SDK1: variants seen among roughly 807,000 people sequenced by gnomAD.
The protein encoded by SDK1 is sidekick cell adhesion molecule 1.
Under a neutral mutation model 245.5 loss-of-function variants are expected in SDK1, and 157 were observed. That is an observed-to-expected ratio of 0.64 (90% CI 0.56 to 0.73). The LOEUF (loss-of-function observed/expected upper bound fraction) is 0.73. Ranked by LOEUF, SDK1 falls within the 30% of genes least tolerant of loss-of-function variation. The pLI is 0.00. For synonymous variants in SDK1, 1,647 were observed against 1,278.5 expected, an observed-to-expected ratio of 1.29 and a Z score of -6.15; for missense variants, 3,583 against 3,002.3, an observed-to-expected ratio of 1.19 and a Z score of -4.52.
At chr7:3,966,737 G>A (rs1330550927) in intron 9 of SDK1, among the ~76,000 whole-genome samples, 1 of 151,924 alleles carries the variant, frequency 6.6e-6, no homozygotes, top group Non-Finnish European at 1.5e-5. Context: ...CCAGGCTGTA[G>A]TACAGTGGCA....
intron 7 of SDK1, 178 bp downstream of exon 7, chr7:3,952,098 A>G (rs1780881798): frequency 1.6e-6 from 1 of 613,426 alleles, no homozygotes; most frequent in South Asian, 2.1e-5. Context: ...ATATAAGTCC[A>G]TTAAATCCAA....
At chr7:4,003,542 G>A (rs775071869) in intron 14 of SDK1, among the ~76,000 whole-genome samples, 14 of 152,164 alleles carry the variant, frequency 9.2e-5, no homozygotes, top group Admixed American at 6.5e-4. Flanking sequence ...TCACTCAATC[G>A]GGATTTGTCT....
intron 31 of SDK1, 133 bp from the exon 32 acceptor site, chr7:4,161,653 G>C (rs1321473318): frequency 4.2e-6 from 3 of 713,134 alleles, no homozygotes; most frequent in African/African-American, 3.5e-5. Flanking sequence ...GGAAGGGCAG[G>C]AGAAGGGGAC....
intron 1 of SDK1, among the ~76,000 whole-genome samples, chr7:3,480,419 C>G (rs868215747): frequency 8.4e-6 from 1 of 119,196 alleles, no homozygotes; most frequent in Non-Finnish European, 1.9e-5. Flanking sequence ...CCTGCACATA[C>G]GCTCATGTAG....
intron 1 of SDK1, among the ~76,000 whole-genome samples, chr7:3,473,792 G>C (rs1432071850): frequency 1.3e-5 from 2 of 152,134 alleles, no homozygotes; most frequent in Non-Finnish European, 2.9e-5. Context: ...TGTTCAGGGA[G>C]TGTGATGAAC....
intron 1 of SDK1, among the ~76,000 whole-genome samples, chr7:3,565,239 C>A (rs999872492): frequency 2.0e-5 from 3 of 151,852 alleles, no homozygotes; most frequent in African/African-American, 7.2e-5. Flanking sequence ...TCACCTCCCT[C>A]TTCCGGAGGT....
rs143677635 is a variant in SDK1, at chr7:3,488,780, A to G, written c.299-130300A>G. On this transcript the variant is annotated intron_variant, in intron 1 of 44. Transcript: ENST00000404826. ...AAAAACCTACATTCAATTCTTCCCTACTCAATCTGACAGCTTGGACTTGTC... is the reference window on the plus strand; with the variant it reads ...AAAAACCTACATTCAATTCTTCCCTGCTCAATCTGACAGCTTGGACTTGTC... Among the ~76,000 whole-genome samples the G allele has an allele frequency of 7.9e-5, 12 of 152,048 alleles. No individual in the cohort carries two copies. In the East Asian group the frequency reaches 2.3e-3, roughly 29 times the overall value.
chr7:3,309,524 ATTTT>A (rs59762021), intron 1 of SDK1, among the ~76,000 whole-genome samples: 8 of 127,342 alleles, frequency 6.3e-5, no homozygotes, highest in Non-Finnish European at 6.7e-5. Context: ...CTAGAAAAAG[ATTTT>A]TTTTTTTTTT....
chr7:3,603,053 G>T (rs1298410742), intron 1 of SDK1, among the ~76,000 whole-genome samples: 4 of 151,842 alleles, frequency 2.6e-5, no homozygotes, highest in African/African-American at 9.7e-5. Flanking sequence ...CTCTGTTTTG[G>T]TACCAGTGCC....
At chr7:3,724,255 G>A (rs1778943469) in intron 4 of SDK1, among the ~76,000 whole-genome samples, 1 of 151,916 alleles carries the variant, frequency 6.6e-6, no homozygotes, top group Admixed American at 6.5e-5. Context: ...ATGAACCACT[G>A]CGCCCAGCCA....
intron 23 of SDK1, among the ~76,000 whole-genome samples, chr7:4,112,280 A>G (rs73046433): frequency 0.053 from 8,080 of 152,236 alleles, 257 homozygotes; most frequent in African/African-American, 0.071. Context: ...AAAGGGTCCC[A>G]TTCTTCTGAG....
intron 4 of SDK1, among the ~76,000 whole-genome samples, chr7:3,790,619 C>G (rs565321273): frequency 6.6e-6 from 1 of 152,254 alleles, no homozygotes; most frequent in South Asian, 2.1e-4. Flanking sequence ...ATAACCCTGA[C>G]CAACATGGTG....
chr7:4,254,334 C>A (rs937338044), intron 44 of SDK1, among the ~76,000 whole-genome samples: 1 of 152,054 alleles, frequency 6.6e-6, no homozygotes, highest in Non-Finnish European at 1.5e-5. Flanking sequence ...CTTCAGACTG[C>A]GTAATCTCTA....
chr7:3,820,805 C>A (rs979419385), intron 4 of SDK1, among the ~76,000 whole-genome samples: 1 of 152,154 alleles, frequency 6.6e-6, no homozygotes, highest in Non-Finnish European at 1.5e-5. Flanking sequence ...CCAGTAGAAT[C>A]AGGATGAATG....
chr7:4,127,323 C>G (rs1244133213), intron 25 of SDK1, 58 bp from the exon 26 acceptor site: 1 of 1,287,020 alleles, frequency 7.8e-7, no homozygotes, highest in Non-Finnish European at 1.1e-6. Flanking sequence ...AAAGCTGGAT[C>G]TTTGTATGTA....
At chr7:3,595,137 T>C (rs910471131) in intron 1 of SDK1, among the ~76,000 whole-genome samples, 1 of 152,180 alleles carries the variant, frequency 6.6e-6, no homozygotes, top group Non-Finnish European at 1.5e-5. Context: ...CCGATTACTT[T>C]TTTTTTGAAT....
intron 19 of SDK1, among the ~76,000 whole-genome samples, chr7:4,066,628 C>G (rs1440829068): frequency 6.6e-6 from 1 of 152,176 alleles, no homozygotes; most frequent in African/African-American, 2.4e-5. Flanking sequence ...GCCAGGCATC[C>G]TCTCCTCCCT....
chr7:4,143,607 C>G (rs1322891933), intron 28 of SDK1, among the ~76,000 whole-genome samples: 1 of 152,216 alleles, frequency 6.6e-6, no homozygotes, highest in African/African-American at 2.4e-5. Context: ...AAGGTGTGTC[C>G]TTCCTTTGAA....
chr7:3,527,271 A>G (rs142064441), intron 1 of SDK1, among the ~76,000 whole-genome samples: 9 of 152,306 alleles, frequency 5.9e-5, no homozygotes, highest in African/African-American at 1.9e-4. Context: ...ATTACATTCT[A>G]GTGTGGGAGA....
Sources: allele counts gnomAD v4.1 joint callset (sites outside exome capture counted in the v4.1 genomes callset), GRCh38; gene constraint gnomAD v4.1.1; transcripts MANE v1.5; gene names NCBI Gene and HGNC (gene_info 2026-07-23, HGNC 2026-07-21).